GNB4: variants seen among roughly 807,000 people sequenced by gnomAD.
GNB4 encodes G protein subunit beta 4.
GNB4 carries 28 observed loss-of-function variants against 45.2 expected under a neutral mutation model. That is an observed-to-expected ratio of 0.62 (90% CI 0.46 to 0.85). GNB4 has a LOEUF of 0.85. GNB4 is among the 40% of genes least tolerant of loss of function. The pLI, the probability that GNB4 is intolerant of heterozygous loss-of-function variation, is 0.00. For missense variants in GNB4, 321 were observed against 425.4 expected, an observed-to-expected ratio of 0.75 and a Z score of 2.16; for synonymous variants, 132 against 143.7, an observed-to-expected ratio of 0.92 and a Z score of 0.58.
intron 1 of GNB4, among the ~76,000 whole-genome samples, chr3:179,449,646 T>C (rs1369147124): frequency 6.6e-6 from 1 of 152,184 alleles, no homozygotes; most frequent in African/African-American, 2.4e-5. Context: ...GATAATGGTG[T>C]TACTGTGAGA....
intron 8 of GNB4, among the ~76,000 whole-genome samples, chr3:179,409,565 A>C (rs1403829676): frequency 6.6e-6 from 1 of 151,884 alleles, no homozygotes; most frequent in East Asian, 1.9e-4. Context: ...TAATCCCAGC[A>C]CTTTGGGAGG....
At chr3:179,419,607 A>G (rs933689038) in intron 3 of GNB4, 102 bp from the exon 4 acceptor site, 1 of 745,572 alleles carries the variant, frequency 1.3e-6, no homozygotes, top group Non-Finnish European at 2.4e-6. Context: ...CATAAAGTAC[A>G]TTTATAGTAA....
intron 1 of GNB4, among the ~76,000 whole-genome samples, chr3:179,439,638 A>T (rs1715547582): frequency 1.3e-5 from 2 of 152,230 alleles, no homozygotes; most frequent in Admixed American, 1.3e-4. Context: ...CACTCACCTG[A>T]GACAAATGTA....
At chr3:179,468,035 A>AAAAAAAAAAAAAAATAT in the GNB4 span, among the ~76,000 whole-genome samples, 7 of 89,864 alleles carry the variant, frequency 7.8e-5, no homozygotes, top group East Asian at 3.3e-4. Context: ...TGTTGATAAA[A>AAAAAAAAAAAAAAATAT]ATATATATAT....
chr3:179,465,207 A>C, the GNB4 span: 3 of 1,342,818 alleles, frequency 2.2e-6, no homozygotes, highest in Non-Finnish European at 3.2e-6. Context: ...GCCAAACTGA[A>C]GTTGGTTGGA....
In GNB4 at chr3:179,401,130, T is replaced by A. The variant is rs1434660585; in HGVS notation, c.*83A>T. On this transcript the variant is annotated 3_prime_UTR_variant, in exon 10 of 10. Coordinates refer to ENST00000232564, the MANE Select transcript of GNB4 (RefSeq NM_021629.4). ...ATAGAAAAATCTTCACCTGCAAATA[T>A]AAGGTAGAATTTTTTCACAGCTATA... 2.5e-6 allele frequency: 2 copies of A among 784,926 alleles called. No homozygotes were observed. The highest frequency in any genetic ancestry group is 3.7e-6 in the Non-Finnish European group (2 of 535,208). 48.6% of individuals were successfully genotyped at this position (784,926 alleles called of 1,614,324 possible). A position where few individuals can be genotyped will look rare whatever the true frequency, so the allele number is the denominator to read the frequency against.
chr3:179,502,052 G>C, the GNB4 span, among the ~76,000 whole-genome samples: 10 of 151,976 alleles, frequency 6.6e-5, no homozygotes, highest in Admixed American at 2.0e-4. Context: ...ATTTCAGTGG[G>C]AATGATCTTA....
At chr3:179,514,887 G>C in the GNB4 span, among the ~76,000 whole-genome samples, 3 of 152,078 alleles carry the variant, frequency 2.0e-5, no homozygotes, top group Non-Finnish European at 4.4e-5. Flanking sequence ...ACTTACTTTT[G>C]GTTTAGAACA....
At chr3:179,510,147 A>G in the GNB4 span, among the ~76,000 whole-genome samples, 1 of 151,962 alleles carries the variant, frequency 6.6e-6, no homozygotes, top group African/African-American at 2.4e-5. Context: ...TTTTTTACAA[A>G]AAGAGAAAAA....
At chr3:179,419,255 AAGC>A in intron 4 of GNB4, 141 bp downstream of exon 4, 1 of 654,606 alleles carries the variant, frequency 1.5e-6, no homozygotes, top group Non-Finnish European at 2.7e-6. Flanking sequence ...TTCTTATTGA[AAGC>A]AGCATGTTCA....
rs1714273803 is a variant in GNB4, at chr3:179,400,826, C to T, written c.*387G>A. On this transcript the variant is annotated 3_prime_UTR_variant, in exon 10 of 10. Coordinates refer to ENST00000232564, the MANE Select transcript of GNB4 (RefSeq NM_021629.4). ...GTTTCTGTGCCTGGTTCTTCCATTA[C>T]AAAACTCAAAAATATGACATTTCTT... is the stretch of plus-strand genomic sequence containing the variant. 6.5e-6 allele frequency: 1 copy of T among 154,974 alleles called. No individual in the cohort carries two copies. Among genetic ancestry groups the T allele is most frequent in the African/African-American group, 2.4e-5 (1 of 41,526 alleles). 9.6% of individuals were successfully genotyped at this position (154,974 alleles called of 1,614,324 possible).
At chr3:179,527,612 T>C in the GNB4 span, among the ~76,000 whole-genome samples, 11 of 152,196 alleles carry the variant, frequency 7.2e-5, no homozygotes, top group East Asian at 7.7e-4. Context: ...CAAAGTTAAA[T>C]AGGTTTCCCA....
chr3:179,430,866 AAC>A (rs1715290522), intron 1 of GNB4, among the ~76,000 whole-genome samples: 1 of 152,178 alleles, frequency 6.6e-6, no homozygotes, highest in Admixed American at 6.5e-5. Flanking sequence ...AAAATGTTCT[AAC>A]ACAGAGAAAG....
At chr3:179,442,040 C>A (rs1715608331) in intron 1 of GNB4, among the ~76,000 whole-genome samples, 1 of 152,162 alleles carries the variant, frequency 6.6e-6, no homozygotes, top group African/African-American at 2.4e-5. Context: ...CTCCTGACCT[C>A]AGGTGATCCA....
intron 1 of GNB4, among the ~76,000 whole-genome samples, chr3:179,438,262 C>T (rs1011985658): frequency 1.4e-4 from 22 of 152,140 alleles, no homozygotes; most frequent in African/African-American, 3.1e-4. Flanking sequence ...ATTCCACAGA[C>T]GAGGAAACTT....
chr3:179,420,993 A>C, intron 2 of GNB4, 66 bp from the exon 3 acceptor site: 1 of 897,842 alleles, frequency 1.1e-6, no homozygotes. Context: ...TGATACTTTT[A>C]TTGAAAACGT....
the GNB4 span, among the ~76,000 whole-genome samples, chr3:179,526,607 G>C: frequency 6.6e-6 from 1 of 152,026 alleles, no homozygotes; most frequent in African/African-American, 2.4e-5. Context: ...CCTCTCTCCT[G>C]TATGTCTCTA....
chr3:179,411,388 CTTTG>C (rs970070485), intron 8 of GNB4, among the ~76,000 whole-genome samples: 16 of 150,084 alleles, frequency 1.1e-4, no homozygotes, highest in African/African-American at 2.5e-4. Context: ...TATACAGTAT[CTTTG>C]TTTGAATCAT....
chr3:179,455,035 C>G (rs1443681486), upstream of GNB4, among the ~76,000 whole-genome samples: 1 of 152,142 alleles, frequency 6.6e-6, no homozygotes, highest in African/African-American at 2.4e-5. Flanking sequence ...TTTTCCATAT[C>G]AAAGTACAGT....
Sources: allele counts gnomAD v4.1 joint callset (sites outside exome capture counted in the v4.1 genomes callset), GRCh38; gene constraint gnomAD v4.1.1; transcripts MANE v1.5; gene names NCBI Gene and HGNC (gene_info 2026-07-23, HGNC 2026-07-21).